The following SALL2 variants were observed in gnomAD, a reference collection of about 807,000 sequenced individuals.
SALL2 encodes sal-like protein 2.
Under a neutral mutation model 58.5 loss-of-function variants are expected in SALL2, and 32 were observed. The ratio of observed to expected loss-of-function variants is 0.55; its 90% CI spans 0.41 to 0.74. SALL2 has a LOEUF of 0.74. Ranked by LOEUF, SALL2 falls within the 30% of genes least tolerant of loss-of-function variation. The probability of loss-of-function intolerance (pLI) is 0.00; values close to 1 mark genes in which losing one functional copy is unlikely to be tolerated. For synonymous variants in SALL2, 516 were observed against 513.6 expected (o/e 1.00, Z -0.06); for missense variants, 1,201 against 1,268.9 (o/e 0.95, Z 0.81).
chr14:21,533,631 G>GA (rs1655431939), intron 1 of SALL2, among the ~76,000 whole-genome samples: 1 of 151,190 alleles, frequency 6.6e-6, no homozygotes, highest in Admixed American at 6.6e-5. Context: ...GTTTTTAAGT[G>GA]AATAGAGTAT....
At position 21,523,907 on chromosome 14, in the gene SALL2, C is replaced by A. The variant is rs1207558477; in HGVS notation, c.1815G>T (p.Val605=). 1 of 1,614,056 alleles carries A rather than the reference C, an allele frequency of 6.2e-7. No individual in the cohort carries two copies. Among genetic ancestry groups the A allele is most frequent in the African/African-American group, 1.3e-5 (1 of 74,918 alleles). ...EKIDRQGAVA[V]TSAASGAPTT... Reference sequence around the variant, plus strand: ...TGGGGGCTCCTGAGGCAGCTGAGGTCACCGCCACAGCTCCTTGCCGGTCAA... The same window carrying A: ...TGGGGGCTCCTGAGGCAGCTGAGGTAACCGCCACAGCTCCTTGCCGGTCAA... The change falls in exon 2 of 2, where the codon GTG becomes GTT. Residue 605 remains valine (V), a synonymous_variant. Transcript: ENST00000537235. This position sits in a 1 kb window ranked among gnomAD's most constrained non-coding sequence, Gnocchi z 4.4.
Position 21,522,204 on chromosome 14 carries a change from T to C in SALL2, c.*500A>G. 4 of 1,597,340 alleles carry C rather than the reference T, an allele frequency of 2.5e-6. No individual in the cohort carries two copies. The highest frequency in any genetic ancestry group is 3.4e-6 in the Non-Finnish European group (4 of 1,179,460). ...GGAGGTGGAGCTGGAATTCCAGGGC[T>C]TCATGGGCAGGCCATTTGACAGGAA... On this transcript the variant is annotated 3_prime_UTR_variant, in exon 2 of 2. Transcript: ENST00000537235.
Position 21,523,210 on chromosome 14 carries a change from G to C in SALL2, c.2512C>G (p.Pro838Ala), listed in dbSNP as rs763308545. Residue 838 changes from proline (P) to alanine (A), a missense_variant, in exon 2 of 2, where the codon CCA becomes GCA. This residue lies in a region of SALL2 where 675 missense variants were observed against 683.8 expected (regional missense o/e 0.99). Transcript: ENST00000537235. The surrounding 1 kb of genome is among the most constrained non-coding windows in gnomAD (Gnocchi z 4.4). ...KTTQQSSLPP[P>A]PPPDSLDQPQ... ...TGATCCAGGCTGTCAGGTGGTGGTGGTGGTGGCAAAGAAGACTGTTGAGTA... is the reference window on the plus strand; with the variant it reads ...TGATCCAGGCTGTCAGGTGGTGGTGCTGGTGGCAAAGAAGACTGTTGAGTA... 6.2e-7 allele frequency: 1 copy of C among 1,614,100 alleles called. No individual in the cohort carries two copies. The highest frequency in any genetic ancestry group is 2.2e-5 in the East Asian group (1 of 44,878).
In SALL2 at chr14:21,536,912, G is replaced by T. The variant is rs769812936; in HGVS notation, c.-114+50C>A. On this transcript the variant is annotated intron_variant, in intron 1 of 1. Transcript: ENST00000541965. ...AACTGTTGGGGTTTCCGCTGCTTTCGCCGAGACATTCCCGGGTAGAGAGTT... is the reference window on the plus strand; with the variant it reads ...AACTGTTGGGGTTTCCGCTGCTTTCTCCGAGACATTCCCGGGTAGAGAGTT... 1.9e-6 allele frequency: 3 copies of T among 1,613,910 alleles called. No homozygotes were observed. The African/African-American group carries it at 4.0e-5, about 22-fold the overall frequency.
At chr14:21,532,493 T>C (rs956529143) in intron 1 of SALL2, among the ~76,000 whole-genome samples, 2 of 152,214 alleles carry the variant, frequency 1.3e-5, no homozygotes, top group Non-Finnish European at 2.9e-5. Flanking sequence ...AAAAAAATTT[T>C]AGCCAGGTGT....
upstream of SALL2, among the ~76,000 whole-genome samples, chr14:21,527,200 G>C (rs1045501591): frequency 2.8e-4 from 42 of 152,294 alleles, 1 homozygote; most frequent in Admixed American, 2.2e-3. Flanking sequence ...TCTAACCTGG[G>C]GGGGAGGGGA....
At chr14:21,526,582 T>TC (rs1378395298), upstream of SALL2, 3 of 882,770 alleles carry the variant, frequency 3.4e-6, no homozygotes, top group South Asian at 7.7e-5. Flanking sequence ...CCTACCCTCC[T>TC]CCCCCCGCCC....
intron 1 of SALL2, among the ~76,000 whole-genome samples, chr14:21,536,359 G>A (rs969382085): frequency 2.6e-5 from 4 of 152,102 alleles, no homozygotes; most frequent in Non-Finnish European, 5.9e-5. Flanking sequence ...CTCCCTCTGG[G>A]AGCTCTGATC....
At chr14:21,531,013 T>C (rs144573788), upstream of SALL2, among the ~76,000 whole-genome samples, 29 of 152,356 alleles carry the variant, frequency 1.9e-4, no homozygotes, top group African/African-American at 6.3e-4. Context: ...GGGAAATATC[T>C]CATCTTCTCC....
rs755548479 is a variant in SALL2 at position 21,525,677 on chromosome 14, G to C, written c.68-23C>G. On this transcript the variant is annotated intron_variant, in intron 1 of 1. Coordinates refer to ENST00000537235, the MANE Select transcript of SALL2 (RefSeq NM_001364564.1). This position sits in a 1 kb window ranked among gnomAD's most constrained non-coding sequence, Gnocchi z 4.4. ...CACCTGGGGAGAAGACAAGGAGAGA[G>C]AGCGTGGGTGGCGCAGTTGGGTTGG... The C allele has an allele frequency of 9.7e-6, 15 of 1,543,058 alleles. No individual in the cohort carries two copies. The highest frequency in any genetic ancestry group is 1.3e-5 in the South Asian group (1 of 79,632).
chr14:21,537,079 G>C, exon 1 of SALL2: 1 of 635,232 alleles, frequency 1.6e-6, no homozygotes, highest in Non-Finnish European at 2.9e-6. Context: ...CAGAGACACA[G>C]ACTCTCTCTC....
chr14:21,537,091 C>G (rs551961866), exon 1 of SALL2: 32 of 610,704 alleles, frequency 5.2e-5, no homozygotes, highest in East Asian at 3.6e-4. Flanking sequence ...CTCTCTCTCT[C>G]TCTCTGATTC....
At position 21,523,438 on chromosome 14, in the gene SALL2, C is replaced by T; in HGVS notation, c.2284G>A (p.Glu762Lys). The T allele has an allele frequency of 6.2e-7, 1 of 1,613,960 alleles. No individual in the cohort carries two copies. The highest frequency in any genetic ancestry group is 8.5e-7 in the Non-Finnish European group (1 of 1,179,912). Residue 762 changes from glutamate (E) to lysine (K), a missense_variant, in exon 2 of 2, where the codon GAG becomes AAG. Physicochemically the swap from Glu to Lys is moderately conservative, Grantham distance 56 (BLOSUM62 1). This residue lies in a region of SALL2 where 675 missense variants were observed against 683.8 expected (regional missense o/e 0.99). Transcript: ENST00000537235. This position sits in a 1 kb window ranked among gnomAD's most constrained non-coding sequence, Gnocchi z 4.4. ...TCCTCATCCTCCTCTTCCTCCTCCTCAGACAACTCCTCTTCCGGTGATGGC... is the reference window on the plus strand; with the variant it reads ...TCCTCATCCTCCTCTTCCTCCTCCTTAGACAACTCCTCTTCCGGTGATGGC... Reference protein sequence around the residue: ...QQPSPEEELSEEEEEEDEEEE... With the variant: ...QQPSPEEELSKEEEEEDEEEE...
rs537022923 is a variant in SALL2, at chr14:21,524,760, C to T, written c.962G>A (p.Ser321Asn). Reference protein sequence around the residue: ...LIASPHLAFPSTTGLLAAQCL... With the variant: ...LIASPHLAFPNTTGLLAAQCL... ...CTGTGCTGCCAGTAGTCCCGTGGTG[C>T]TTGGGAATGCCAGATGAGGCGAGGC... Residue 321 changes from serine (S) to asparagine (N), a missense_variant, in exon 2 of 2, where the codon AGC becomes AAC. Coordinates refer to ENST00000537235, the MANE Select transcript of SALL2 (RefSeq NM_001364564.1). 1.9e-6 allele frequency: 3 copies of T among 1,607,364 alleles called. No individual in the cohort carries two copies. The highest frequency in any genetic ancestry group is 2.5e-6 in the Non-Finnish European group (3 of 1,176,478).
rs1892225846 is a variant in SALL2 at position 21,524,980 on chromosome 14, T to C, written c.742A>G (p.Thr248Ala). ...PLFSPIKPVQ[T>A]SKTLASSSSS... ...GAGGAAGATGCCAGTGTCTTGCTGG[T>C]TTGGACAGGCTTGATGGGGCTGAAG... is the stretch of plus-strand genomic sequence containing the variant. The change falls in exon 2 of 2, where the codon ACC (threonine) becomes GCC (alanine). Residue 248 changes from threonine to alanine, a missense_variant. This residue lies in a region of SALL2 where 467 missense variants were observed against 468.9 expected (regional missense o/e 1.00). Transcript: ENST00000537235. The C allele has an allele frequency of 6.2e-7, 1 of 1,613,770 alleles. No homozygotes were observed. The highest frequency in any genetic ancestry group is 8.5e-7 in the Non-Finnish European group (1 of 1,179,928).
chr14:21,535,611 A>G (rs1892578337), intron 1 of SALL2, among the ~76,000 whole-genome samples: 1 of 152,234 alleles, frequency 6.6e-6, no homozygotes, highest in African/African-American at 2.4e-5. Context: ...TATTTCACAG[A>G]TGAGGAAACT....
chr14:21,535,307 T>C (rs556827772), intron 1 of SALL2, among the ~76,000 whole-genome samples: 248 of 143,816 alleles, frequency 1.7e-3, no homozygotes, highest in Non-Finnish European at 2.9e-3. Context: ...ATTGCACCAC[T>C]GCACTCCAAC....
chr14:21,522,805 G>C lies in SALL2; in HGVS notation c.2917C>G (p.Gln973Glu), dbSNP rs754541385. 5.2e-5 allele frequency: 84 copies of C among 1,606,288 alleles called. No individual in the cohort carries two copies. The highest frequency in any genetic ancestry group is 6.8e-5 in the Non-Finnish European group (80 of 1,176,764). ...ACTAGAGAAAGAGCAGCAATATTCT[G>C]AGGGCCATGGGGGGCAAAGGGCTGT... ...QVQPFAPHGP[Q>E]NIAALSLVPG... is the part of the protein sequence containing the mutation. Residue 973 changes from glutamine (Q) to glutamate (E), a missense_variant, in exon 2 of 2, where the codon CAG becomes GAG. Physicochemically the swap from Gln to Glu is conservative, Grantham distance 29. This residue lies in a region of SALL2 where 675 missense variants were observed against 683.8 expected (regional missense o/e 0.99). Transcript: ENST00000537235.
intron 1 of SALL2, among the ~76,000 whole-genome samples, chr14:21,535,034 T>C (rs1044582168): frequency 1.3e-5 from 2 of 152,162 alleles, no homozygotes; most frequent in Admixed American, 6.5e-5. Flanking sequence ...TTAGAGCTTT[T>C]CATGACACGT....
Sources: gnomAD v4.1 joint callset for allele counts (sites outside exome capture counted in the v4.1 genomes callset) on GRCh38, gnomAD v4.1.1 for gene constraint, gnomAD v4.1.1 regional missense constraint, Gnocchi (gnomAD v3.1) non-coding constraint, MANE v1.5 for transcripts, NCBI Gene and HGNC (gene_info 2026-07-23, HGNC 2026-07-21) for gene names.